PRMT3: variants seen among roughly 807,000 people sequenced by gnomAD.
The protein encoded by PRMT3 is protein arginine methyltransferase 3.
Under a neutral mutation model 71.9 loss-of-function variants are expected in PRMT3, and 62 were observed. That is an observed-to-expected ratio of 0.86 (90% CI 0.70 to 1.07). The LOEUF is 1.07. Ranked by LOEUF, PRMT3 falls within the 50% of genes least tolerant of loss-of-function variation. PRMT3 has a pLI of 0.00. For synonymous variants in PRMT3, 213 were observed against 220.4 expected (o/e 0.97, Z 0.30); for missense variants, 663 against 643.0 (o/e 1.03, Z -0.34).
At chr11:20,448,062 TCTC>T (rs1850069352) in intron 10 of PRMT3, among the ~76,000 whole-genome samples, 1 of 152,126 alleles carries the variant, frequency 6.6e-6, no homozygotes, top group South Asian at 2.1e-4. Flanking sequence ...TCCTGAGTTG[TCTC>T]CTCCTAGTTT....
chr11:20,400,742 G>A (rs1240907028), intron 7 of PRMT3, among the ~76,000 whole-genome samples: 1 of 151,536 alleles, frequency 6.6e-6, no homozygotes, highest in Non-Finnish European at 1.5e-5. Context: ...TATATTTGTA[G>A]GAATAATTTC....
chr11:20,478,822 A>G (rs1172230429), intron 13 of PRMT3, among the ~76,000 whole-genome samples: 1 of 152,192 alleles, frequency 6.6e-6, no homozygotes, highest in Non-Finnish European at 1.5e-5. Context: ...AAATCTTATA[A>G]TGCTTCTGGA....
intron 10 of PRMT3, among the ~76,000 whole-genome samples, chr11:20,437,983 G>A (rs1329802163): frequency 2.0e-5 from 3 of 152,276 alleles, no homozygotes; most frequent in Middle Eastern, 3.4e-3. Flanking sequence ...AGCTGACCCT[G>A]CTGTTAGGTC....
intron 13 of PRMT3, among the ~76,000 whole-genome samples, chr11:20,469,181 C>T (rs1850584994): frequency 6.6e-6 from 1 of 152,148 alleles, no homozygotes; most frequent in Admixed American, 6.5e-5. Context: ...TATCAGCCTG[C>T]TTAACCTAGC....
At chr11:20,398,026 A>G (rs1381751544) in intron 7 of PRMT3, among the ~76,000 whole-genome samples, 2 of 151,448 alleles carry the variant, frequency 1.3e-5, no homozygotes, top group African/African-American at 4.8e-5. Flanking sequence ...AAAAAAAAAA[A>G]AAAAAAAGAT....
chr11:20,480,300 G>C (rs187557458), intron 13 of PRMT3, among the ~76,000 whole-genome samples: 1 of 152,296 alleles, frequency 6.6e-6, no homozygotes, highest in African/African-American at 2.4e-5. Context: ...TCACTTCTCT[G>C]TGTGTGTATG....
intron 10 of PRMT3, among the ~76,000 whole-genome samples, chr11:20,427,423 A>G (rs1045814261): frequency 3.9e-5 from 6 of 152,236 alleles, no homozygotes; most frequent in East Asian, 3.8e-4. Flanking sequence ...TTTTAAATAT[A>G]TGGAAATAAA....
At chr11:20,426,438 A>G (rs1477572303) in intron 9 of PRMT3, among the ~76,000 whole-genome samples, 2 of 152,132 alleles carry the variant, frequency 1.3e-5, no homozygotes, top group East Asian at 3.8e-4. Flanking sequence ...CCATACTTTT[A>G]TATGTCTTAT....
chr11:20,399,902 A>G (rs965019462), intron 7 of PRMT3, among the ~76,000 whole-genome samples: 1 of 152,326 alleles, frequency 6.6e-6, no homozygotes, highest in South Asian at 2.1e-4. Flanking sequence ...TCACTTAAAT[A>G]TCATTCTTTG....
At chr11:20,427,703 G>C (rs1241198752) in intron 10 of PRMT3, among the ~76,000 whole-genome samples, 1 of 152,038 alleles carries the variant, frequency 6.6e-6, no homozygotes, top group Non-Finnish European at 1.5e-5. Context: ...CCCAACCTGG[G>C]TGACAGAGCG....
chr11:20,480,931 G>A (rs910007289), intron 13 of PRMT3, among the ~76,000 whole-genome samples: 2 of 152,142 alleles, frequency 1.3e-5, no homozygotes, highest in Non-Finnish European at 2.9e-5. Context: ...TTTGAGTTAT[G>A]TAAGTAGTGA....
At chr11:20,423,828 C>T (rs148259336) in intron 9 of PRMT3, among the ~76,000 whole-genome samples, 3,832 of 126,216 alleles carry the variant, frequency 0.03, 166 homozygotes, top group Admixed American at 0.16. Context: ...GAGCCATGAT[C>T]ACACAACTGC....
rs1851657935 is a variant in PRMT3, at chr11:20,508,689, T to C, written c.*276T>C. On this transcript the variant is annotated 3_prime_UTR_variant, in exon 16 of 16. Coordinates refer to ENST00000331079, the MANE Select transcript of PRMT3 (RefSeq NM_005788.4). ...AACTCCCACATTGAGTTTATCTATA[T>C]TGAAAATCATTTACATTGGCCTATA... The C allele has an allele frequency of 3.9e-6, 2 of 510,732 alleles. No individual in the cohort carries two copies. Among genetic ancestry groups the C allele is most frequent in the Non-Finnish European group, 7.5e-6 (2 of 267,140 alleles). The allele number at this position is 510,732 out of a possible 1,614,324, so 31.6% of individuals were successfully genotyped here.
intron 10 of PRMT3, among the ~76,000 whole-genome samples, chr11:20,427,924 T>A (rs1442535283): frequency 1.3e-5 from 2 of 152,250 alleles, no homozygotes; most frequent in African/African-American, 4.8e-5. Context: ...TATAATTTTT[T>A]ATAAATTTTG....
intron 11 of PRMT3, among the ~76,000 whole-genome samples, chr11:20,454,189 C>G (rs11025567): frequency 0.72 from 110,104 of 151,944 alleles, 41,366 homozygotes; most frequent in Non-Finnish European, 0.84. Flanking sequence ...CTGCCAGCCT[C>G]CAGTATTCAT....
Position 20,477,857 on chromosome 11 carries a change from A to G in PRMT3, c.1347+13311A>G, listed in dbSNP as rs140059620. 7.9e-5 allele frequency among the ~76,000 whole-genome samples: 11 copies of G among 139,288 alleles called. No individual in the cohort carries two copies. In the East Asian group the frequency reaches 1.2e-3, roughly 16 times the overall value. 91.4% of individuals were successfully genotyped at this position (139,288 alleles called of 152,430 possible). ...ACAACCACCAGCTTCATCCACTCCAATAAGTAACGTGAGGGAGAATTGGTT... is the reference window on the plus strand; with the variant it reads ...ACAACCACCAGCTTCATCCACTCCAGTAAGTAACGTGAGGGAGAATTGGTT... On this transcript the variant is annotated intron_variant, in intron 13 of 15. Transcript: ENST00000331079.
chr11:20,395,400 G>C (rs779522115), intron 5 of PRMT3, among the ~76,000 whole-genome samples: 1 of 152,046 alleles, frequency 6.6e-6, no homozygotes, highest in Non-Finnish European at 1.5e-5. Flanking sequence ...TTGGAGTACA[G>C]TGGTGCGATC....
intron 13 of PRMT3, among the ~76,000 whole-genome samples, chr11:20,474,716 G>C (rs1850737680): frequency 6.6e-6 from 1 of 152,224 alleles, no homozygotes; most frequent in Non-Finnish European, 1.5e-5. Context: ...TAGAATGCTT[G>C]TTCTTCAGTA....
At chr11:20,423,010 G>T (rs1022194021) in intron 9 of PRMT3, among the ~76,000 whole-genome samples, 9 of 152,114 alleles carry the variant, frequency 5.9e-5, no homozygotes, top group Non-Finnish European at 7.4e-5. Context: ...GACCGAAGCA[G>T]CTGCTTTTAA....
Sources: gnomAD v4.1 joint callset for allele counts (sites outside exome capture counted in the v4.1 genomes callset) on GRCh38, gnomAD v4.1.1 for gene constraint, MANE v1.5 for transcripts, NCBI Gene and HGNC (gene_info 2026-07-23, HGNC 2026-07-21) for gene names.